CAMK1D: variants seen among roughly 807,000 people sequenced by gnomAD.
CAMK1D encodes the protein calcium/calmodulin-dependent protein kinase type 1D.
Under a neutral mutation model 47.7 loss-of-function variants are expected in CAMK1D, and 9 were observed. The ratio of observed to expected loss-of-function variants is 0.19; its 90% CI spans 0.11 to 0.33. CAMK1D has a LOEUF of 0.33. Among genes scored for constraint, CAMK1D ranks in the 10% least tolerant of loss-of-function variants. CAMK1D has a pLI of 1.00. For missense variants in CAMK1D, 291 were observed against 488.7 expected, an observed-to-expected ratio of 0.60 and a Z score of 3.81; for synonymous variants, 184 against 184.9, an observed-to-expected ratio of 0.99 and a Z score of 0.04.
At chr10:12,530,264 AGTG>A (rs1446838489) in intron 1 of CAMK1D, among the ~76,000 whole-genome samples, 5 of 152,172 alleles carry the variant, frequency 3.3e-5, no homozygotes, top group African/African-American at 1.2e-4. Flanking sequence ...TTAGGCTGCG[AGTG>A]GGGGGCCCTA....
Position 12,516,473 on chromosome 10 carries a change from T to C in CAMK1D, c.93-36752T>C, listed in dbSNP as rs566517057. ...GCCTATAGGTTTCTATGTGAACATA[T>C]GTTTTCATTTATCTTGGGTAAATAA... On this transcript the variant is annotated intron_variant, in intron 1 of 10. Coordinates refer to ENST00000619168, the MANE Select transcript of CAMK1D (RefSeq NM_153498.4). Among the ~76,000 whole-genome samples, 6 of 148,082 alleles carry C rather than the reference T, an allele frequency of 4.1e-5. No individual in the cohort carries two copies. In the South Asian group the frequency reaches 1.3e-3, roughly 33 times the overall value.
chr10:12,581,208 T>C (rs1159259829), intron 2 of CAMK1D, among the ~76,000 whole-genome samples: 3 of 152,234 alleles, frequency 2.0e-5, no homozygotes, highest in African/African-American at 7.2e-5. Flanking sequence ...TTGCTGCAAA[T>C]GCCATTATTT....
intron 3 of CAMK1D, among the ~76,000 whole-genome samples, chr10:12,673,742 C>T (rs1840704647): frequency 6.6e-6 from 1 of 152,000 alleles, no homozygotes; most frequent in African/African-American, 2.4e-5. Context: ...CTTTTTGCCT[C>T]CATTAGTTAT....
intron 1 of CAMK1D, among the ~76,000 whole-genome samples, chr10:12,358,086 G>A (rs1463428242): frequency 6.6e-6 from 1 of 152,120 alleles, no homozygotes. Context: ...CCAGCCTGGA[G>A]TGCTGGCTCA....
intron 1 of CAMK1D, among the ~76,000 whole-genome samples, chr10:12,534,271 G>A (rs558444186): frequency 4.0e-5 from 6 of 151,762 alleles, no homozygotes; most frequent in South Asian, 2.1e-4. Flanking sequence ...GTGCAGTGGC[G>A]CAATCTCGGC....
At chr10:12,819,577 G>A (rs140789834) in intron 8 of CAMK1D, among the ~76,000 whole-genome samples, 11 of 152,340 alleles carry the variant, frequency 7.2e-5, no homozygotes, top group African/African-American at 2.4e-4. Context: ...AAGGGGTTAC[G>A]TGAGATAATA....
chr10:12,636,063 A>C (rs967894956), intron 2 of CAMK1D, among the ~76,000 whole-genome samples: 2 of 152,190 alleles, frequency 1.3e-5, no homozygotes, highest in African/African-American at 4.8e-5. Flanking sequence ...ATAACATACA[A>C]TTTACCATCT....
chr10:12,708,187 C>T (rs575612227), intron 3 of CAMK1D, among the ~76,000 whole-genome samples: 1 of 152,324 alleles, frequency 6.6e-6, no homozygotes, highest in South Asian at 2.1e-4. Flanking sequence ...TCCACGTATG[C>T]ACCTCTTGCA....
intron 3 of CAMK1D, among the ~76,000 whole-genome samples, chr10:12,694,697 A>G (rs1215910523): frequency 2.0e-5 from 3 of 150,334 alleles, no homozygotes; most frequent in Middle Eastern, 3.5e-3. Flanking sequence ...CTAAACTGCC[A>G]TAGAGGATGA....
intron 1 of CAMK1D, among the ~76,000 whole-genome samples, chr10:12,526,412 C>T (rs535745253): frequency 6.6e-6 from 1 of 152,166 alleles, no homozygotes; most frequent in Non-Finnish European, 1.5e-5. Flanking sequence ...CTGATGCATA[C>T]ACAGATTTAT....
intron 3 of CAMK1D, among the ~76,000 whole-genome samples, chr10:12,754,182 C>T (rs1348100869): frequency 3.9e-5 from 6 of 152,128 alleles, no homozygotes; most frequent in African/African-American, 9.7e-5. Flanking sequence ...TGAGCCACCA[C>T]GCCCAGCCTG....
rs1031290714 is a variant in CAMK1D at position 12,510,930 on chromosome 10, G to A, written c.93-42295G>A. Among the ~76,000 whole-genome samples the A allele has an allele frequency of 7.2e-5, 11 of 152,164 alleles. No individual in the cohort carries two copies. In the East Asian group the frequency reaches 1.2e-3, roughly 16 times the overall value. ...GGCGGTCCCTGCTCTGCTAAGAAAC[G>A]GAGACTGGAGGAGGGAAAGGACTCG... is the stretch of plus-strand genomic sequence containing the variant. On this transcript the variant is annotated intron_variant, in intron 1 of 10. Coordinates refer to ENST00000619168, the MANE Select transcript of CAMK1D (RefSeq NM_153498.4).
At chr10:12,823,586 A>G (rs114103182) in intron 8 of CAMK1D, among the ~76,000 whole-genome samples, 90 of 152,102 alleles carry the variant, frequency 5.9e-4, no homozygotes, top group African/African-American at 2.0e-3. Flanking sequence ...GACCCAAGAA[A>G]GAGACAGCAG....
In CAMK1D at chr10:12,832,200, T is replaced by G. The variant is rs993990179; in HGVS notation, c.*3313T>G. ...GGCTCCCTGGCTTCCCGGATCTTCA[T>G]CTCATACGTGAGGCAATAGGAGGAG... On this transcript the variant is annotated 3_prime_UTR_variant, in exon 11 of 11. Coordinates refer to ENST00000619168, the MANE Select transcript of CAMK1D (RefSeq NM_153498.4). The G allele has an allele frequency of 2.6e-5, 4 of 152,520 alleles. No individual in the cohort carries two copies. Among genetic ancestry groups the G allele is most frequent in the African/African-American group, 9.6e-5 (4 of 41,466 alleles). The allele number at this position is 152,520 out of a possible 1,614,324, so 9.4% of individuals were successfully genotyped here.
chr10:12,497,864 ACC>A (rs1180120165), intron 1 of CAMK1D, among the ~76,000 whole-genome samples: 1 of 152,218 alleles, frequency 6.6e-6, no homozygotes, highest in East Asian at 1.9e-4. Context: ...ATGAAGAAAT[ACC>A]CGAGACTAGA....
chr10:12,504,552 A>G (rs926400623), intron 1 of CAMK1D, among the ~76,000 whole-genome samples: 1 of 152,086 alleles, frequency 6.6e-6, no homozygotes, highest in African/African-American at 2.4e-5. Context: ...CTCACTAGCA[A>G]TTCAAACGGT....
chr10:12,369,787 C>T (rs142371306), intron 1 of CAMK1D, among the ~76,000 whole-genome samples: 1,999 of 151,944 alleles, frequency 0.013, 16 homozygotes, highest in Middle Eastern at 0.037. Flanking sequence ...GGTGAAACCC[C>T]GTCTCTACAA....
intron 1 of CAMK1D, among the ~76,000 whole-genome samples, chr10:12,392,904 C>T (rs1838790030): frequency 7.3e-6 from 1 of 136,914 alleles, no homozygotes; most frequent in Non-Finnish European, 1.6e-5. Context: ...AATTTTTCTT[C>T]CAAATTTTCC....
intron 1 of CAMK1D, among the ~76,000 whole-genome samples, chr10:12,386,784 G>A (rs1838509052): frequency 6.6e-6 from 1 of 152,124 alleles, no homozygotes; most frequent in Middle Eastern, 3.2e-3. Flanking sequence ...GCCTTGCTGT[G>A]TATCCTAGAT....
Sources: gnomAD v4.1 joint callset for allele counts (sites outside exome capture counted in the v4.1 genomes callset) on GRCh38, gnomAD v4.1.1 for gene constraint, MANE v1.5 for transcripts, NCBI Gene and HGNC (gene_info 2026-07-23, HGNC 2026-07-21) for gene names.